FAM13C: variants seen among roughly 807,000 people sequenced by gnomAD.
FAM13C encodes the protein family with sequence similarity 13 member C.
FAM13C carries 37 observed loss-of-function variants against 73.2 expected under a neutral mutation model. The ratio of observed to expected loss-of-function variants is 0.51; its 90% CI spans 0.39 to 0.67. The LOEUF (loss-of-function observed/expected upper bound fraction) is 0.67. Among genes scored for constraint, FAM13C ranks in the 30% least tolerant of loss-of-function variants. FAM13C has a pLI of 0.00. For synonymous variants in FAM13C, 246 were observed against 260.9 expected (o/e 0.94, Z 0.55); for missense variants, 589 against 715.6 (o/e 0.82, Z 2.02).
At chr10:59,279,289 G>A (rs1844668167) in intron 6 of FAM13C, among the ~76,000 whole-genome samples, 1 of 152,158 alleles carries the variant, frequency 6.6e-6, no homozygotes, top group Admixed American at 6.5e-5. Flanking sequence ...AGTGGACAGT[G>A]TCTGGAAATA....
chr10:59,306,886 CA>C (rs1371831739), intron 4 of FAM13C, among the ~76,000 whole-genome samples: 1 of 151,870 alleles, frequency 6.6e-6, no homozygotes, highest in Non-Finnish European at 1.5e-5. Context: ...AACAAACAAA[CA>C]AAAAAGAATA....
intron 5 of FAM13C, among the ~76,000 whole-genome samples, chr10:59,288,499 A>C (rs1222018832): frequency 1.3e-5 from 2 of 150,340 alleles, no homozygotes; most frequent in South Asian, 2.1e-4. Flanking sequence ...GAAGAAGAAG[A>C]AGCATCCATC....
At chr10:59,336,286 G>C (rs1852715774) in intron 3 of FAM13C, among the ~76,000 whole-genome samples, 1 of 152,188 alleles carries the variant, frequency 6.6e-6, no homozygotes, top group South Asian at 2.1e-4. Context: ...ACATAATGCT[G>C]CTTATCAGCT....
chr10:59,346,166 C>T (rs1854264277), intron 3 of FAM13C, among the ~76,000 whole-genome samples: 1 of 151,090 alleles, frequency 6.6e-6, no homozygotes, highest in Non-Finnish European at 1.5e-5. Flanking sequence ...AAAGTACGTC[C>T]ATAATTGAAA....
intron 5 of FAM13C, among the ~76,000 whole-genome samples, chr10:59,292,079 C>T (rs545329161): frequency 8.5e-5 from 13 of 152,258 alleles, no homozygotes; most frequent in Admixed American, 2.6e-4. Context: ...TGAGCCACTG[C>T]GCCTGACCTA....
chr10:59,353,610 A>G (rs284608), intron 2 of FAM13C, among the ~76,000 whole-genome samples: 143,817 of 152,260 alleles, frequency 0.94, 68,232 homozygotes, highest in Middle Eastern at 0.99. Flanking sequence ...CATTCAAGAC[A>G]ACTTTTTACA....
chr10:59,338,230 A>C (rs1853002886), intron 3 of FAM13C, among the ~76,000 whole-genome samples: 1 of 152,158 alleles, frequency 6.6e-6, no homozygotes, highest in East Asian at 1.9e-4. Context: ...CAACAGAGGC[A>C]GTGCTCTTGC....
intron 5 of FAM13C, among the ~76,000 whole-genome samples, chr10:59,302,008 G>A (rs397204): frequency 0.72 from 105,654 of 146,510 alleles, 37,771 homozygotes; most frequent in Non-Finnish European, 0.78. Flanking sequence ...TCTTCAAAAC[G>A]TCAAATAAAC....
At chr10:59,329,541 T>G (rs1422332707) in intron 3 of FAM13C, among the ~76,000 whole-genome samples, 1 of 151,832 alleles carries the variant, frequency 6.6e-6, no homozygotes, top group African/African-American at 2.4e-5. Context: ...GTATTTTTAG[T>G]AGAGATGAAT....
At chr10:59,327,468 A>C (rs1418699454) in intron 3 of FAM13C, among the ~76,000 whole-genome samples, 5 of 152,020 alleles carry the variant, frequency 3.3e-5, no homozygotes, top group African/African-American at 1.2e-4. Context: ...CTCCAGTTGG[A>C]CTCCACCACC....
At chr10:59,296,637 A>G (rs1034209456) in intron 5 of FAM13C, among the ~76,000 whole-genome samples, 1 of 152,196 alleles carries the variant, frequency 6.6e-6, no homozygotes, top group East Asian at 1.9e-4. Context: ...GTTGCATGCT[A>G]GTAATTTATT....
chr10:59,312,048 C>T (rs1321012808), intron 4 of FAM13C, among the ~76,000 whole-genome samples: 3 of 150,048 alleles, frequency 2.0e-5, no homozygotes, highest in African/African-American at 4.9e-5. Flanking sequence ...AACCTCATCA[C>T]ACAAATGAAG....
chr10:59,258,073 A>G (rs1040973089), intron 10 of FAM13C, among the ~76,000 whole-genome samples: 1 of 152,196 alleles, frequency 6.6e-6, no homozygotes, highest in African/African-American at 2.4e-5. Flanking sequence ...TTTTAAAAAT[A>G]AAAGAGAATG....
intron 4 of FAM13C, among the ~76,000 whole-genome samples, chr10:59,304,725 C>T (rs1395040385): frequency 8.1e-6 from 1 of 122,956 alleles, no homozygotes; most frequent in Admixed American, 9.0e-5. Flanking sequence ...GTGAAACAAG[C>T]CTGCACTTGT....
chr10:59,332,879 T>G (rs1852189417), intron 3 of FAM13C, among the ~76,000 whole-genome samples: 1 of 152,184 alleles, frequency 6.6e-6, no homozygotes, highest in Non-Finnish European at 1.5e-5. Flanking sequence ...CATGGCCTGT[T>G]AGGTCTAGTA....
At position 59,264,170 on chromosome 10, in the gene FAM13C, C is replaced by T; in HGVS notation, c.943-4G>A. On this transcript the variant is annotated splice_polypyrimidine_tract_variant and splice_region_variant and intron_variant, in intron 8 of 13. Coordinates refer to ENST00000618804, the MANE Select transcript of FAM13C (RefSeq NM_198215.4). ...AAGTCTTGTCACCATGTGAAGGCTA[C>T]CAAGGGAAGGAAAAAATGGGGGTGG... 1 of 1,600,894 alleles carries T rather than the reference C, an allele frequency of 6.2e-7. No homozygotes were observed. The highest frequency in any genetic ancestry group is 8.5e-7 in the Non-Finnish European group (1 of 1,175,480).
intron 3 of FAM13C, among the ~76,000 whole-genome samples, chr10:59,340,413 T>G (rs1343650743): frequency 2.0e-5 from 3 of 152,160 alleles, no homozygotes; most frequent in Non-Finnish European, 4.4e-5. Context: ...ACTGTTTGCC[T>G]GGGCTCCTCA....
chr10:59,321,432 CTTTTT>C (rs1057110939), intron 4 of FAM13C, among the ~76,000 whole-genome samples: 1,006 of 58,022 alleles, frequency 0.017, 24 homozygotes, highest in African/African-American at 0.057. Flanking sequence ...CTGCCAACAC[CTTTTT>C]TTTTTTTTTT....
intron 13 of FAM13C, 85 bp downstream of exon 13, chr10:59,251,490 C>A: frequency 1.7e-6 from 2 of 1,174,502 alleles, no homozygotes; most frequent in African/African-American, 1.5e-5. Context: ...TAAAAAGTCA[C>A]CGTTCCTGCA....
Sources: allele counts gnomAD v4.1 joint callset (sites outside exome capture counted in the v4.1 genomes callset), GRCh38; gene constraint gnomAD v4.1.1; transcripts MANE v1.5; gene names NCBI Gene and HGNC (gene_info 2026-07-23, HGNC 2026-07-21).